The following ZNF821 variants were observed in gnomAD, a reference collection of about 807,000 sequenced individuals.
ZNF821 encodes the protein zinc finger protein 821.
Under a neutral mutation model 44.3 loss-of-function variants are expected in ZNF821, and 16 were observed. The observed-to-expected ratio is 0.36, with a 90% CI of 0.24 to 0.55. ZNF821 has a LOEUF of 0.55. ZNF821 is among the 20% of genes least tolerant of loss of function. The pLI is 0.86. For missense variants in ZNF821, 436 were observed against 547.6 expected (o/e 0.80, Z 2.03); for synonymous variants, 204 against 197.6 (o/e 1.03, Z -0.27).
At chr16:71,875,578 C>T (rs1244591105) in intron 3 of ZNF821, among the ~76,000 whole-genome samples, 3 of 151,978 alleles carry the variant, frequency 2.0e-5, no homozygotes, top group Admixed American at 6.6e-5. Flanking sequence ...CTCAGTCTCC[C>T]GAGTAGCTGG....
At position 71,860,051 on chromosome 16, in the gene ZNF821, G is replaced by A. The variant is rs759607111; in HGVS notation, c.1206C>T (p.Ala402=). 1 of 1,612,826 alleles carries A rather than the reference G, an allele frequency of 6.2e-7. No individual in the cohort carries two copies. The highest frequency in any genetic ancestry group is 2.2e-5 in the East Asian group (1 of 44,878). The change falls in exon 8 of 8, where the codon GCC becomes GCT. Residue 402 remains alanine, a synonymous_variant. Transcript: ENST00000425432. This position sits in a 1 kb window ranked among gnomAD's most constrained non-coding sequence, Gnocchi z 7.3. ...ELDSQLLGKM[A]FEEQNSSSLH is the part of the protein sequence containing the mutation. Reference sequence around the variant, plus strand: ...GAGAGCTGCTGTTCTGCTCTTCAAAGGCCATCTTGCCCAGAAGCTGGCTGT... The same window carrying A: ...GAGAGCTGCTGTTCTGCTCTTCAAAAGCCATCTTGCCCAGAAGCTGGCTGT...
exon 1 of ZNF821, chr16:71,895,232 A>C: frequency 5.9e-6 from 1 of 168,208 alleles, no homozygotes; most frequent in Non-Finnish European, 1.3e-5. Flanking sequence ...GTGGGCGCAG[A>C]GTCCGAGAAT....
At chr16:71,884,633 GCTCC>G (rs2036772136), upstream of ZNF821, 1 of 152,212 alleles carries the variant, frequency 6.6e-6, no homozygotes, top group Non-Finnish European at 1.5e-5. Context: ...GGTGGCTTCG[GCTCC>G]CGAGGCTTTG....
At chr16:71,868,938 A>G (rs2034868630) in intron 3 of ZNF821, among the ~76,000 whole-genome samples, 2 of 152,270 alleles carry the variant, frequency 1.3e-5, no homozygotes, top group Admixed American at 1.3e-4. Context: ...CTGGGATTAC[A>G]GGCGTGAGCC....
At chr16:71,873,595 G>A (rs2035463182) in intron 3 of ZNF821, among the ~76,000 whole-genome samples, 1 of 152,122 alleles carries the variant, frequency 6.6e-6, no homozygotes, top group African/African-American at 2.4e-5. Flanking sequence ...CTGCCCACTG[G>A]CTTCTAATGT....
rs182645952 is a variant in ZNF821 at position 71,861,731 on chromosome 16, C to T, written c.584+45G>A. ...TGACTTCAGAAAGCAGAACTCACAC[C>T]CAGTAATTTGCTCCCAGCACAACAG... On this transcript the variant is annotated intron_variant, in intron 7 of 7. Coordinates refer to ENST00000425432, the MANE Select transcript of ZNF821 (RefSeq NM_001201552.2). 1.9e-6 allele frequency: 3 copies of T among 1,607,532 alleles called. No homozygotes were observed. The Admixed American group carries it at 5.0e-5, about 27-fold the overall frequency.
At chr16:71,864,101 A>G in intron 6 of ZNF821, 37 bp downstream of exon 6, 3 of 1,576,710 alleles carry the variant, frequency 1.9e-6, no homozygotes, top group African/African-American at 2.7e-5. Flanking sequence ...AGCTGCCCAC[A>G]CTTGTGTTCC....
At chr16:71,863,626 C>T (rs1484999869) in intron 6 of ZNF821, among the ~76,000 whole-genome samples, 1 of 151,952 alleles carries the variant, frequency 6.6e-6, no homozygotes, top group African/African-American at 2.4e-5. Flanking sequence ...TGAGGTTAAG[C>T]AATCCTCCCC....
intron 3 of ZNF821, 153 bp downstream of exon 3, chr16:71,879,753 CT>C (rs774236596): frequency 5.2e-6 from 4 of 773,758 alleles, no homozygotes; most frequent in Non-Finnish European, 8.3e-6. Context: ...CTTTTTCTTT[CT>C]TTCTTTTTTT....
intron 3 of ZNF821, among the ~76,000 whole-genome samples, chr16:71,869,647 T>C (rs1416385172): frequency 6.6e-6 from 1 of 152,132 alleles, no homozygotes; most frequent in Non-Finnish European, 1.5e-5. Context: ...TTTCTTTTTT[T>C]TTCTTTTTGA....
Position 71,893,621 on chromosome 16 carries a change from C to T in ZNF821, n.448+1268G>A, listed in dbSNP as rs181593909. On this transcript the variant is annotated intron_variant and non_coding_transcript_variant, in intron 1 of 2. Transcript: ENST00000561700. ...ATTACAGGTGTGTTGCCACCACATC[C>T]GGCTAATTTTTGTATTTTTAGTAGA... Among the ~76,000 whole-genome samples the T allele has an allele frequency of 6.8e-3, 1,004 of 148,190 alleles. 6 individuals carry two copies. The highest frequency in any genetic ancestry group is 0.016 in the Middle Eastern group (4 of 256).
At chr16:71,873,235 T>C (rs184558438) in intron 3 of ZNF821, among the ~76,000 whole-genome samples, 18 of 152,102 alleles carry the variant, frequency 1.2e-4, no homozygotes, top group East Asian at 5.8e-4. Flanking sequence ...GGCAGGAGAA[T>C]TGCCTGAACC....
At position 71,861,828 on chromosome 16, in the gene ZNF821, A is replaced by G; in HGVS notation, c.532T>C (p.Ser178Pro). 2 of 1,614,196 alleles carry G rather than the reference A, an allele frequency of 1.2e-6. No individual in the cohort carries two copies. The highest frequency in any genetic ancestry group is 1.7e-6 in the Non-Finnish European group (2 of 1,180,034). The change falls in exon 7 of 8, where the codon TCT (serine) becomes CCT (proline). Residue 178 changes from serine to proline, a missense_variant. Ser to Pro is a moderately conservative substitution (Grantham distance 74). Around this residue, in one of 5 missense-constraint regions of ZNF821, gnomAD observed 238 missense variants for 281.4 expected, o/e 0.85. Coordinates refer to ENST00000425432, the MANE Select transcript of ZNF821 (RefSeq NM_001201552.2). ...CGGGCTCCACACACAGCACAGTTAG[A>G]TCGCTGGTCCTCCGAGTGGATTAAG... ...HLLIHSEDQR[S>P]NCAVCGARFT... is the part of the protein sequence containing the mutation.
chr16:71,892,689 T>G (rs1192245803), intron 1 of ZNF821, among the ~76,000 whole-genome samples: 1 of 149,222 alleles, frequency 6.7e-6, no homozygotes, highest in Non-Finnish European at 1.5e-5. Flanking sequence ...CTCTTGCCTC[T>G]GCCTCCGAAT....
chr16:71,879,736 T>A, intron 3 of ZNF821, 171 bp downstream of exon 3: 1 of 725,076 alleles, frequency 1.4e-6, no homozygotes, highest in South Asian at 2.1e-5. Context: ...TTCCAACATT[T>A]TTAACCCTTT....
chr16:71,864,255 A>C lies in ZNF821; in HGVS notation c.313-13T>G. ...AATTCCCTGTGACCTGTGATTCAAC[A>C]AATAGGCAACTCATTAGGACTCTTT... On this transcript the variant is annotated splice_polypyrimidine_tract_variant and intron_variant, in intron 5 of 7. Transcript: ENST00000425432. 6.2e-7 allele frequency: 1 copy of C among 1,611,820 alleles called. No individual in the cohort carries two copies. The highest frequency in any genetic ancestry group is 1.3e-5 in the African/African-American group (1 of 75,022).
At chr16:71,880,291 T>G (rs117706747) in intron 2 of ZNF821, 1 of 195,868 alleles carries the variant, frequency 5.1e-6, no homozygotes, top group Non-Finnish European at 1.0e-5. Flanking sequence ...TAAGTGATCA[T>G]GATCAAGGTC....
intron 3 of ZNF821, among the ~76,000 whole-genome samples, chr16:71,873,350 G>A (rs1325688735): frequency 6.6e-6 from 1 of 152,044 alleles, no homozygotes; most frequent in Non-Finnish European, 1.5e-5. Context: ...CTCAGAAGGG[G>A]TAAAATGGGG....
chr16:71,863,643 G>A (rs1376162702), intron 6 of ZNF821, among the ~76,000 whole-genome samples: 1 of 151,952 alleles, frequency 6.6e-6, no homozygotes, highest in African/African-American at 2.4e-5. Flanking sequence ...CCCCACTTCA[G>A]CCTCTCAAAG....
Sources: allele counts gnomAD v4.1 joint callset (sites outside exome capture counted in the v4.1 genomes callset), GRCh38; gene constraint gnomAD v4.1.1; regional missense constraint gnomAD v4.1.1; non-coding constraint Gnocchi (gnomAD v3.1); transcripts MANE v1.5; gene names NCBI Gene and HGNC (gene_info 2026-07-23, HGNC 2026-07-21).